The following CMC1 variants were observed in gnomAD, a reference collection of about 807,000 sequenced individuals.
CMC1 encodes the protein COX assembly mitochondrial protein homolog.
Under a neutral mutation model 14.1 loss-of-function variants are expected in CMC1, and 14 were observed. The observed-to-expected ratio is 0.99, with a 90% confidence interval of 0.66 to 1.55. The LOEUF is 1.55. Among genes scored for constraint, CMC1 ranks in the 40% most tolerant of loss-of-function variants. The pLI is 0.00. For synonymous variants in CMC1, 50 were observed against 38.4 expected, an observed-to-expected ratio of 1.30 and a Z score of -1.12; for missense variants, 127 against 123.8, an observed-to-expected ratio of 1.03 and a Z score of -0.12.
At chr3:28,274,571 A>C (rs532877351) in intron 2 of CMC1, among the ~76,000 whole-genome samples, 1 of 151,992 alleles carries the variant, frequency 6.6e-6, no homozygotes, top group Non-Finnish European at 1.5e-5. Context: ...ACCTTGGAGA[A>C]TCTGATGATT....
intron 2 of CMC1, 53 bp from the exon 3 acceptor site, chr3:28,316,280 G>A (rs1702911234): frequency 2.3e-6 from 2 of 872,774 alleles, no homozygotes; most frequent in Non-Finnish European, 3.4e-6. Context: ...GTGTGTGTGG[G>A]TATTTATATA....
chr3:28,259,131 A>G (rs941856340), intron 1 of CMC1, among the ~76,000 whole-genome samples: 1 of 150,978 alleles, frequency 6.6e-6, no homozygotes, highest in Non-Finnish European at 1.5e-5. Context: ...TCACTTTTTT[A>G]TTATAACTTT....
intron 2 of CMC1, among the ~76,000 whole-genome samples, chr3:28,302,622 G>A (rs896323776): frequency 6.6e-6 from 1 of 152,130 alleles, no homozygotes; most frequent in African/African-American, 2.4e-5. Context: ...CCTTTCTAAT[G>A]TGTAAAATCC....
At chr3:28,293,745 C>T (rs538085849) in intron 2 of CMC1, among the ~76,000 whole-genome samples, 2 of 151,940 alleles carry the variant, frequency 1.3e-5, no homozygotes, top group Non-Finnish European at 2.9e-5. Flanking sequence ...CCATGCCTGG[C>T]GAATTTTTGT....
chr3:28,276,989 G>A (rs1408362186), intron 2 of CMC1, among the ~76,000 whole-genome samples: 2 of 152,178 alleles, frequency 1.3e-5, no homozygotes, highest in East Asian at 3.8e-4. Flanking sequence ...AGCAATGTGT[G>A]ATTTTGATGA....
chr3:28,256,263 G>A (rs1040993221), intron 1 of CMC1, among the ~76,000 whole-genome samples: 1 of 151,868 alleles, frequency 6.6e-6, no homozygotes, highest in African/African-American at 2.4e-5. Context: ...TTATGTGATT[G>A]TAGGGACCAG....
At chr3:28,309,856 C>T in intron 2 of CMC1, among the ~76,000 whole-genome samples, 1 of 140,888 alleles carries the variant, frequency 7.1e-6, no homozygotes, top group South Asian at 2.2e-4. Context: ...CACACACACA[C>T]ACACAAGCTA....
At chr3:28,256,058 C>A (rs1430694020) in intron 1 of CMC1, among the ~76,000 whole-genome samples, 1 of 152,094 alleles carries the variant, frequency 6.6e-6, no homozygotes, top group African/African-American at 2.4e-5. Context: ...CACATGCACA[C>A]ATACATACAC....
intron 2 of CMC1, among the ~76,000 whole-genome samples, chr3:28,303,702 AATT>A (rs1219185410): frequency 1.3e-5 from 2 of 152,246 alleles, no homozygotes; most frequent in East Asian, 3.9e-4. Flanking sequence ...AGAAAATGAG[AATT>A]ATTAACACTC....
intron 2 of CMC1, among the ~76,000 whole-genome samples, chr3:28,295,894 A>G (rs559907979): frequency 1.7e-4 from 26 of 152,074 alleles, no homozygotes; most frequent in African/African-American, 6.3e-4. Flanking sequence ...TGGGGGGGAA[A>G]AACCCATGTA....
chr3:28,310,655 T>A (rs528735475), intron 2 of CMC1, among the ~76,000 whole-genome samples: 1 of 152,356 alleles, frequency 6.6e-6, no homozygotes, highest in East Asian at 1.9e-4. Flanking sequence ...TGATTTCCCA[T>A]CTGCAGTGTA....
At chr3:28,275,140 A>C (rs1700508843) in intron 2 of CMC1, among the ~76,000 whole-genome samples, 1 of 151,792 alleles carries the variant, frequency 6.6e-6, no homozygotes, top group South Asian at 2.1e-4. Context: ...CTTGCTGGAG[A>C]GGTGTTGCGA....
At chr3:28,266,769 A>G (rs1414109454) in intron 2 of CMC1, among the ~76,000 whole-genome samples, 1 of 152,186 alleles carries the variant, frequency 6.6e-6, no homozygotes, top group East Asian at 1.9e-4. Context: ...CTCTGTTGAT[A>G]TCAAAAGAAA....
chr3:28,266,087 C>T (rs770363189), intron 2 of CMC1, among the ~76,000 whole-genome samples: 2 of 152,042 alleles, frequency 1.3e-5, no homozygotes, highest in African/African-American at 4.8e-5. Context: ...CTTACTAGTT[C>T]TGTCTTCATT....
chr3:28,242,698 A>C (rs747655882), intron 1 of CMC1, among the ~76,000 whole-genome samples: 1 of 152,326 alleles, frequency 6.6e-6, no homozygotes, highest in Non-Finnish European at 1.5e-5. Context: ...TCCATTTTAC[A>C]GATTAGGAAA....
intron 1 of CMC1, among the ~76,000 whole-genome samples, chr3:28,243,737 G>A (rs140134295): frequency 6.6e-6 from 1 of 152,134 alleles, no homozygotes; most frequent in Non-Finnish European, 1.5e-5. Context: ...GTAGTACATA[G>A]GACAAACAAA....
intron 2 of CMC1, among the ~76,000 whole-genome samples, chr3:28,307,141 T>C (rs911400100): frequency 1.2e-4 from 18 of 152,204 alleles, no homozygotes; most frequent in Admixed American, 3.9e-4. Context: ...TCATAAAAGA[T>C]GAAAGAGTAC....
intron 1 of CMC1, among the ~76,000 whole-genome samples, chr3:28,255,652 C>G (rs1699360483): frequency 6.6e-6 from 1 of 150,540 alleles, no homozygotes; most frequent in Non-Finnish European, 1.5e-5. Context: ...CTGGAAAGGC[C>G]TATAAGCTAG....
At chr3:28,264,861 A>T (rs1488830513) in intron 2 of CMC1, among the ~76,000 whole-genome samples, 2 of 152,182 alleles carry the variant, frequency 1.3e-5, no homozygotes, top group Non-Finnish European at 2.9e-5. Context: ...TTGTCTTTAT[A>T]CCTAGAATGA....
Sources: gnomAD v4.1 joint callset for allele counts (sites outside exome capture counted in the v4.1 genomes callset) on GRCh38, gnomAD v4.1.1 for gene constraint, MANE v1.5 for transcripts, NCBI Gene and HGNC (gene_info 2026-07-23, HGNC 2026-07-21) for gene names.